The following CNGB1 variants were observed in gnomAD, a reference collection of about 807,000 sequenced individuals.
CNGB1 encodes the protein cyclic nucleotide gated channel subunit beta 1, also known as cyclic nucleotide-gated channel beta-1.
In CNGB1, 126 loss-of-function variants were observed where a neutral mutation model predicts 151.7. The observed-to-expected ratio is 0.83, with a 90% CI of 0.72 to 0.96. The LOEUF (loss-of-function observed/expected upper bound fraction) is 0.96, where lower values mean the gene tolerates loss of function less well. Among genes scored for constraint, CNGB1 ranks in the 40% least tolerant of loss-of-function variants. The pLI, the probability that CNGB1 is intolerant of heterozygous loss-of-function variation, is 0.00. For missense variants in CNGB1, 1,698 were observed against 1,627.0 expected, an observed-to-expected ratio of 1.04 and a Z score of -0.75; for synonymous variants, 623 against 635.1, an observed-to-expected ratio of 0.98 and a Z score of 0.29.
intron 19 of CNGB1, 57 bp downstream of exon 19, chr16:57,920,330 C>A (rs1960993999): frequency 6.2e-7 from 1 of 1,604,348 alleles, no homozygotes; most frequent in Admixed American, 1.7e-5. Context: ...TGACAGGGAA[C>A]TTTGGAGGCC....
intron 12 of CNGB1, among the ~76,000 whole-genome samples, chr16:57,950,827 C>A (rs965891685): frequency 9.2e-5 from 14 of 152,208 alleles, no homozygotes; most frequent in South Asian, 6.2e-4. Context: ...ACGGGGGATT[C>A]CTTCTTAAAG....
rs139988754 is a variant in CNGB1, at chr16:57,931,048, T to C, written c.1535+668A>G. Reference sequence around the variant, plus strand: ...GTGAGTTATAATATGCAAGTTTTAATAAATAGCATCCTATCAAAAATGAAA... The same window carrying C: ...GTGAGTTATAATATGCAAGTTTTAACAAATAGCATCCTATCAAAAATGAAA... On this transcript the variant is annotated intron_variant, in intron 17 of 32. Coordinates refer to ENST00000251102, the MANE Select transcript of CNGB1 (RefSeq NM_001297.5). Among the ~76,000 whole-genome samples the C allele has an allele frequency of 9.5e-3, 1,438 of 152,138 alleles. 8 individuals are homozygous for C. The highest frequency in any genetic ancestry group is 0.016 in the Non-Finnish European group (1,068 of 68,008).
chr16:57,948,374 C>T (rs1332198841), intron 14 of CNGB1, among the ~76,000 whole-genome samples: 11 of 149,448 alleles, frequency 7.4e-5, no homozygotes, highest in Admixed American at 6.7e-4. Context: ...AGGCTGGTCT[C>T]GAACTCCTGG....
At chr16:57,887,083 G>A (rs1376538262) in intron 32 of CNGB1, among the ~76,000 whole-genome samples, 4 of 152,110 alleles carry the variant, frequency 2.6e-5, no homozygotes, top group African/African-American at 9.7e-5. Flanking sequence ...ACAAGTTCTC[G>A]CTATGTTGCC....
intron 17 of CNGB1, 55 bp from the exon 18 acceptor site, chr16:57,923,435 G>GAGGCCCA (rs1961103134): frequency 7.1e-7 from 1 of 1,403,062 alleles, no homozygotes; most frequent in East Asian, 2.3e-5. Flanking sequence ...GCCCCAGGGA[G>GAGGCCCA]AAGTGTCATG....
intron 10 of CNGB1, among the ~76,000 whole-genome samples, chr16:57,959,236 T>C (rs1312837653): frequency 6.6e-6 from 1 of 152,002 alleles, no homozygotes; most frequent in Non-Finnish European, 1.5e-5. Context: ...ATCCATTTAA[T>C]GCAGCTGTTC....
chr16:57,894,268 A>G (rs1318386710), intron 31 of CNGB1, among the ~76,000 whole-genome samples: 1 of 152,214 alleles, frequency 6.6e-6, no homozygotes, highest in Non-Finnish European at 1.5e-5. Context: ...ACAAGAATCT[A>G]CAGCATGCCA....
intron 14 of CNGB1, 84 bp from the exon 15 acceptor site, chr16:57,940,405 C>T: frequency 7.4e-7 from 1 of 1,353,456 alleles, no homozygotes; most frequent in South Asian, 1.3e-5. Context: ...GGGCCACGCT[C>T]TGTGCCAGGA....
At chr16:57,921,618 G>A (rs569577689) in intron 18 of CNGB1, among the ~76,000 whole-genome samples, 39 of 152,280 alleles carry the variant, frequency 2.6e-4, no homozygotes, top group African/African-American at 9.1e-4. Context: ...CACTCACTGG[G>A]ATATAGCCAC....
At chr16:57,926,230 A>C (rs527237049) in intron 17 of CNGB1, among the ~76,000 whole-genome samples, 1 of 152,160 alleles carries the variant, frequency 6.6e-6, no homozygotes, top group Non-Finnish European at 1.5e-5. Flanking sequence ...TGACATCTGC[A>C]CATCTTCCCA....
intron 25 of CNGB1, 118 bp downstream of exon 25, chr16:57,911,635 C>A (rs1264953782): frequency 1.9e-5 from 27 of 1,413,288 alleles, no homozygotes; most frequent in Admixed American, 5.4e-5. Flanking sequence ...TGCTTAGGAG[C>A]AAAGTGGCCT....
intron 17 of CNGB1, among the ~76,000 whole-genome samples, chr16:57,924,744 T>C (rs1435782421): frequency 2.6e-5 from 4 of 152,054 alleles, no homozygotes; most frequent in African/African-American, 9.7e-5. Flanking sequence ...GGGGCGGAGT[T>C]CTCATGAATG....
intron 29 of CNGB1, among the ~76,000 whole-genome samples, chr16:57,898,327 A>G (rs1424000887): frequency 1.3e-5 from 2 of 152,204 alleles, no homozygotes; most frequent in Non-Finnish European, 2.9e-5. Flanking sequence ...GGGCTCGGGA[A>G]GAATTTGCTA....
intron 24 of CNGB1, among the ~76,000 whole-genome samples, chr16:57,912,305 G>A (rs1468747473): frequency 1.3e-5 from 2 of 152,220 alleles, no homozygotes; most frequent in Non-Finnish European, 2.9e-5. Flanking sequence ...CATTCTGTTA[G>A]AGCTGGCTGG....
At position 57,939,452 on chromosome 16, in the gene CNGB1, C is replaced by T. The variant is rs754940415; in HGVS notation, c.1350G>A (p.Glu450=). Residue 450 remains glutamate, a synonymous_variant, in exon 16 of 33, where the codon GAG becomes GAA. Coordinates refer to ENST00000251102, the MANE Select transcript of CNGB1 (RefSeq NM_001297.5). ...TACCTCCTGAACTGGCAGCCTCGGC[C>T]TCAGCCTCAGGCTCCTCCTTGGTCT... The part of the protein sequence containing the change: ...WAETKEEPEA[E]AEAASSGVPA... 10 of 1,614,074 alleles carry T rather than the reference C, an allele frequency of 6.2e-6. No homozygotes were observed. In the East Asian group the frequency reaches 2.0e-4, roughly 32 times the overall value.
chr16:57,902,230 G>T (rs562728), intron 27 of CNGB1, among the ~76,000 whole-genome samples: 125,080 of 151,640 alleles, frequency 0.82, 52,067 homozygotes, highest in East Asian at 1. Flanking sequence ...ACCACCACGC[G>T]GGCTAATTTT....
chr16:57,968,737 A>C (rs1266771357), intron 1 of CNGB1, among the ~76,000 whole-genome samples: 1 of 152,038 alleles, frequency 6.6e-6, no homozygotes, highest in Non-Finnish European at 1.5e-5. Context: ...AATTTTTAAG[A>C]TAAAATGGGC....
intron 14 of CNGB1, among the ~76,000 whole-genome samples, chr16:57,948,755 G>A (rs867788295): frequency 2.1e-4 from 32 of 152,244 alleles, no homozygotes; most frequent in Middle Eastern, 6.8e-3. Context: ...CCCCTGTCCA[G>A]TCATCCTTCC....
intron 16 of CNGB1, 29 bp from the exon 17 acceptor site, chr16:57,931,907 CAGAG>C: frequency 1.2e-6 from 2 of 1,612,828 alleles, no homozygotes; most frequent in South Asian, 2.2e-5. Flanking sequence ...AGGAGAAAGT[CAGAG>C]AGAGACAAAA....
Sources: gnomAD v4.1 joint callset for allele counts (sites outside exome capture counted in the v4.1 genomes callset) on GRCh38, gnomAD v4.1.1 for gene constraint, MANE v1.5 for transcripts, NCBI Gene and HGNC (gene_info 2026-07-23, HGNC 2026-07-21) for gene names.